The following SPAG16 variants were observed in gnomAD, a reference collection of about 807,000 sequenced individuals.
SPAG16 encodes sperm associated antigen 16.
A neutral mutation model predicts 80.4 loss-of-function variants in SPAG16; 86 were observed. The ratio of observed to expected loss-of-function variants is 1.07; its 90% CI spans 0.90 to 1.28. The LOEUF is 1.28. Among genes scored for constraint, SPAG16 ranks in the 50% most tolerant of loss-of-function variants. SPAG16 has a pLI of 0.00. For synonymous variants in SPAG16, 294 were observed against 265.9 expected (o/e 1.11, Z -1.03); for missense variants, 870 against 765.3 (o/e 1.14, Z -1.61).
At chr2:214,014,195 A>G in intron 13 of SPAG16, 118 bp downstream of exon 13, 2 of 1,308,890 alleles carry the variant, frequency 1.5e-6, no homozygotes, top group Non-Finnish European at 2.1e-6. Context: ...AGGGCAAAAG[A>G]ACAGTAAAAA....
chr2:214,056,549 A>C (rs1394278684), intron 13 of SPAG16, among the ~76,000 whole-genome samples: 2 of 152,144 alleles, frequency 1.3e-5, no homozygotes, highest in African/African-American at 4.8e-5. Context: ...AATTCTCACA[A>C]TCAACTGAGC....
intron 10 of SPAG16, among the ~76,000 whole-genome samples, chr2:213,539,278 C>T (rs1395339897): frequency 1.3e-5 from 2 of 152,094 alleles, no homozygotes; most frequent in Non-Finnish European, 2.9e-5. Flanking sequence ...GATCTCATGG[C>T]AATGTGATAC....
At chr2:213,604,137 C>A (rs1420202505) in intron 10 of SPAG16, among the ~76,000 whole-genome samples, 2 of 152,064 alleles carry the variant, frequency 1.3e-5, no homozygotes, top group African/African-American at 4.8e-5. Flanking sequence ...GGTGATCTGC[C>A]CGCCTCGGCC....
At chr2:213,845,778 A>G (rs1289211699) in intron 10 of SPAG16, among the ~76,000 whole-genome samples, 1 of 152,196 alleles carries the variant, frequency 6.6e-6, no homozygotes, top group African/African-American at 2.4e-5. Context: ...TGCTGTTTGT[A>G]GCTGGGCTCA....
chr2:214,269,393 T>C (rs951046590), intron 15 of SPAG16, among the ~76,000 whole-genome samples: 12 of 152,022 alleles, frequency 7.9e-5, no homozygotes, highest in African/African-American at 2.9e-4. Context: ...ATATGCCTAT[T>C]CTTTGCACGA....
At chr2:214,376,388 C>T (rs1414793938) in intron 15 of SPAG16, among the ~76,000 whole-genome samples, 1 of 152,036 alleles carries the variant, frequency 6.6e-6, no homozygotes, top group East Asian at 1.9e-4. Flanking sequence ...AGTAAGTTAA[C>T]TTTTAAATAT....
intron 15 of SPAG16, among the ~76,000 whole-genome samples, chr2:214,279,357 G>A (rs1692720906): frequency 6.6e-6 from 1 of 152,094 alleles, no homozygotes; most frequent in Non-Finnish European, 1.5e-5. Context: ...AACCTCTTGA[G>A]AAACAAGCAT....
chr2:214,067,551 G>T (rs1390707952), intron 13 of SPAG16, among the ~76,000 whole-genome samples: 1 of 151,772 alleles, frequency 6.6e-6, no homozygotes, highest in East Asian at 1.9e-4. Flanking sequence ...TATTACTATT[G>T]CGTACACTTA....
At chr2:213,307,846 T>A (rs1413826328) in intron 3 of SPAG16, among the ~76,000 whole-genome samples, 2 of 152,130 alleles carry the variant, frequency 1.3e-5, no homozygotes, top group Non-Finnish European at 2.9e-5. Context: ...CTCCAGCACC[T>A]GTTGTTTCCT....
intron 10 of SPAG16, among the ~76,000 whole-genome samples, chr2:213,515,113 A>G (rs1403582862): frequency 6.6e-6 from 1 of 152,180 alleles, no homozygotes; most frequent in Non-Finnish European, 1.5e-5. Context: ...CTTGTATGTA[A>G]TTCTGAAATA....
intron 9 of SPAG16, among the ~76,000 whole-genome samples, chr2:213,461,711 A>G (rs1003194937): frequency 6.6e-6 from 1 of 152,124 alleles, no homozygotes; most frequent in Non-Finnish European, 1.5e-5. Flanking sequence ...GTGAAAGTTA[A>G]AAAAAATGTT....
At chr2:214,365,382 AATAATGACTGCCATTTTG>A (rs1699413474) in intron 15 of SPAG16, among the ~76,000 whole-genome samples, 1 of 152,202 alleles carries the variant, frequency 6.6e-6, no homozygotes, top group East Asian at 1.9e-4. Flanking sequence ...AGCAGCCTTT[AATAATGACTGCCATTTTG>A]ACTGATTGGA....
intron 10 of SPAG16, among the ~76,000 whole-genome samples, chr2:213,669,469 A>G (rs1171666009): frequency 6.6e-6 from 1 of 152,262 alleles, no homozygotes; most frequent in Non-Finnish European, 1.5e-5. Context: ...ATGAGTTTTC[A>G]GAAATATCCA....
At chr2:213,641,525 C>T (rs1326818727) in intron 10 of SPAG16, among the ~76,000 whole-genome samples, 2 of 152,224 alleles carry the variant, frequency 1.3e-5, no homozygotes, top group African/African-American at 2.4e-5. Context: ...TGTGGCCCTT[C>T]CCTGATTCCA....
intron 9 of SPAG16, among the ~76,000 whole-genome samples, chr2:213,387,024 G>A (rs2067463950): frequency 6.6e-6 from 1 of 152,088 alleles, no homozygotes; most frequent in African/African-American, 2.4e-5. Flanking sequence ...CTTTCAGTGT[G>A]TCAACATATT....
intron 9 of SPAG16, among the ~76,000 whole-genome samples, chr2:213,443,125 T>TCCATAG (rs1559137990): frequency 5.9e-5 from 9 of 152,304 alleles, no homozygotes; most frequent in Admixed American, 5.2e-4. Flanking sequence ...AGTAAAGAAT[T>TCCATAG]TTAATCTGTC....
At chr2:213,342,289 A>G (rs1483525854) in intron 6 of SPAG16, among the ~76,000 whole-genome samples, 1 of 148,290 alleles carries the variant, frequency 6.7e-6, no homozygotes, top group Non-Finnish European at 1.5e-5. Context: ...ACATATGTAT[A>G]TATATATGAC....
At chr2:213,407,680 GGA>G (rs1265253407) in intron 9 of SPAG16, among the ~76,000 whole-genome samples, 1 of 143,788 alleles carries the variant, frequency 7.0e-6, no homozygotes. Flanking sequence ...GAGACAGAGA[GGA>G]GAGAGACAGA....
At chr2:214,391,906 C>A (rs1403264049) in intron 15 of SPAG16, among the ~76,000 whole-genome samples, 2 of 152,100 alleles carry the variant, frequency 1.3e-5, no homozygotes, top group African/African-American at 4.8e-5. Context: ...GAGGTTTGTC[C>A]TTCAGAAAAG....
Sources: allele counts gnomAD v4.1 joint callset (sites outside exome capture counted in the v4.1 genomes callset), GRCh38; gene constraint gnomAD v4.1.1; transcripts MANE v1.5; gene names NCBI Gene and HGNC (gene_info 2026-07-23, HGNC 2026-07-21).